HDAC7: variants seen among roughly 807,000 people sequenced by gnomAD.
The protein encoded by HDAC7 is histone deacetylase 7, also known as histone deacetylase 7A.
In HDAC7, 26 loss-of-function variants were observed where a neutral mutation model predicts 115.5. That is an observed-to-expected ratio of 0.23 (90% CI 0.16 to 0.31). The LOEUF is 0.31. Among genes scored for constraint, HDAC7 ranks in the 10% least tolerant of loss-of-function variants. The pLI is 1.00. For missense variants in HDAC7, 1,068 were observed against 1,329.0 expected (o/e 0.80, Z 3.05); for synonymous variants, 564 against 550.9 (o/e 1.02, Z -0.33).
chr12:47,784,229 T>C lies in HDAC7; in HGVS notation c.2792-12A>G. 1 of 1,606,816 alleles carries C rather than the reference T, an allele frequency of 6.2e-7. No homozygotes were observed. The highest frequency in any genetic ancestry group is 8.5e-7 in the Non-Finnish European group (1 of 1,176,574). ...GCCCCAGTATTTACCTGGGGTAAGA[T>C]GCCAGGTCAGAAAGGGTTGGAGAAA... On this transcript the variant is annotated splice_polypyrimidine_tract_variant and intron_variant, in intron 24 of 25. Coordinates refer to ENST00000080059, the MANE Select transcript of HDAC7 (RefSeq NM_015401.5).
chr12:47,816,441 G>A (rs562430599), intron 1 of HDAC7, among the ~76,000 whole-genome samples: 1 of 152,180 alleles, frequency 6.6e-6, no homozygotes, highest in South Asian at 2.1e-4. Flanking sequence ...TTTTATGTGT[G>A]CATATTCCCA....
At chr12:47,801,667 C>T (rs776448774) in intron 2 of HDAC7, among the ~76,000 whole-genome samples, 2 of 152,170 alleles carry the variant, frequency 1.3e-5, no homozygotes, top group Non-Finnish European at 2.9e-5. Context: ...AAGGGCAGAC[C>T]GCGTCTAGTC....
chr12:47,788,503 C>A (rs1005619539), intron 19 of HDAC7: 13 of 179,434 alleles, frequency 7.2e-5, no homozygotes, highest in Non-Finnish European at 1.1e-4. Context: ...TATCAGGAAC[C>A]ACTCTGTCTT....
chr12:47,819,818 A>G lies in HDAC7; in HGVS notation c.-33T>C, dbSNP rs1565595693. 1.8e-5 allele frequency: 2 copies of G among 110,146 alleles called. No homozygotes were observed. The highest frequency in any genetic ancestry group is 3.2e-5 in the Non-Finnish European group (2 of 63,040). The allele number at this position is 110,146 out of a possible 1,614,324, so 6.8% of individuals were successfully genotyped here. ...CCGGGGCCCTCAGAGCGGGGGGCTC[A>G]TGGCGGGGCGGGGGGCTGGGGCGCC... is the stretch of plus-strand genomic sequence containing the variant. On this transcript the variant is annotated 5_prime_UTR_variant, in exon 1 of 26. It removes an upstream start codon present in the reference 5' UTR. Transcript: ENST00000080059.
chr12:47,808,445 C>T (rs1592690349), intron 1 of HDAC7, among the ~76,000 whole-genome samples: 1 of 152,292 alleles, frequency 6.6e-6, no homozygotes, highest in East Asian at 1.9e-4. Context: ...TTGTCCCCCA[C>T]CCCAGATCCC....
chr12:47,818,837 C>G (rs766307978), intron 1 of HDAC7, among the ~76,000 whole-genome samples: 2 of 152,164 alleles, frequency 1.3e-5, no homozygotes, highest in South Asian at 4.1e-4. Flanking sequence ...GAGGAGCAGC[C>G]GTGGCTGGGG....
intron 24 of HDAC7, 136 bp from the exon 25 acceptor site, chr12:47,784,353 T>G: frequency 1.1e-6 from 1 of 887,364 alleles, no homozygotes; most frequent in Non-Finnish European, 1.7e-6. Flanking sequence ...TAGGGTCGGC[T>G]CTCCCACCTG....
In HDAC7 at chr12:47,797,101, A is replaced by T. The variant is rs1943894282; in HGVS notation, c.619T>A (p.Ser207Thr). The T allele has an allele frequency of 6.2e-7, 1 of 1,607,794 alleles. No individual in the cohort carries two copies. The highest frequency in any genetic ancestry group is 1.7e-5 in the Admixed American group (1 of 58,828). ...NLKLRYKPKK[S>T]LERRKNPLLR... ...AGTGGATTCTTCCTCCGCTCCAGGG[A>T]CTTCTTGGGCTTATAGCGCAGCTTC... The change falls in exon 7 of 26, where the codon TCC becomes ACC. Residue 207 changes from serine to threonine, a missense_variant. By Grantham distance (58) the Ser-to-Thr change is moderately conservative. Around this residue, in one of 6 missense-constraint regions of HDAC7, gnomAD observed 618 missense variants for 701.5 expected, o/e 0.88. Coordinates refer to ENST00000080059, the MANE Select transcript of HDAC7 (RefSeq NM_015401.5). This position sits in a 1 kb window ranked among gnomAD's most constrained non-coding sequence, Gnocchi z 5.5.
chr12:47,796,486 C>T (rs112689589), intron 7 of HDAC7, among the ~76,000 whole-genome samples, 188 bp from the exon 8 acceptor site: 22,217 of 149,602 alleles, frequency 0.15, 2,186 homozygotes, highest in Non-Finnish European at 0.22. Context: ...TGCAATGGCA[C>T]GATCCCGGCT....
intron 16 of HDAC7, chr12:47,790,570 TGA>T (rs1290650470): frequency 6.4e-6 from 1 of 156,492 alleles, no homozygotes; most frequent in African/African-American, 2.4e-5. Flanking sequence ...TGGGAAGTTG[TGA>T]ATAGGGCACT....
chr12:47,783,712 C>G lies in HDAC7; in HGVS notation c.*129G>C, dbSNP rs1420493328. The G allele has an allele frequency of 1.1e-6, 1 of 892,580 alleles. No individual in the cohort carries two copies. Among genetic ancestry groups the G allele is most frequent in the African/African-American group, 1.6e-5 (1 of 60,710 alleles). 55.3% of individuals were successfully genotyped at this position (892,580 alleles called of 1,614,324 possible). A position where few individuals can be genotyped will look rare whatever the true frequency, so the allele number is the denominator to read the frequency against. On this transcript the variant is annotated 3_prime_UTR_variant, in exon 26 of 26. Transcript: ENST00000080059. ...TCCCTGGGATAACTGTCAAAGCAGG[C>G]AGGCTGTTCTCTGGTTCCAACTACT...
intron 24 of HDAC7, 88 bp downstream of exon 24, chr12:47,785,299 G>T: frequency 3.6e-6 from 4 of 1,112,974 alleles, no homozygotes; most frequent in South Asian, 1.5e-5. Context: ...GGCTGGCACC[G>T]GAAGCCCTAG....
chr12:47,789,092 C>T, intron 19 of HDAC7, 169 bp downstream of exon 19: 2 of 652,000 alleles, frequency 3.1e-6, no homozygotes, highest in South Asian at 3.7e-5. Flanking sequence ...CCCTCTAGGC[C>T]TCCCAACTGT....
intron 24 of HDAC7, 90 bp from the exon 25 acceptor site, chr12:47,784,307 G>A: frequency 1.4e-6 from 2 of 1,399,794 alleles, no homozygotes; most frequent in Non-Finnish European, 9.5e-7. Context: ...GGTGTCTCAG[G>A]CCCAGGGCCC....
Position 47,796,056 on chromosome 12 carries a change from C to T in HDAC7, c.796-40G>A, listed in dbSNP as rs766863174. On this transcript the variant is annotated intron_variant, in intron 8 of 25. Transcript: ENST00000080059. Reference sequence around the variant, plus strand: ...AGGGCGAGGGTCACCGGTCCCAGACCTCTACCCCGGCGCACCTTCCCCAGA... The same window carrying T: ...AGGGCGAGGGTCACCGGTCCCAGACTTCTACCCCGGCGCACCTTCCCCAGA... The T allele has an allele frequency of 1.6e-5, 25 of 1,541,754 alleles. No homozygotes were observed. The African/African-American group carries it at 2.7e-4, about 17-fold the overall frequency.
chr12:47,784,193 C>T lies in HDAC7; in HGVS notation c.2816G>A (p.Arg939His), dbSNP rs139571562. ...VHSKYWGCMQRLASCPDSWVP... is the reference protein window; with the variant it reads ...VHSKYWGCMQHLASCPDSWVP... Reference sequence around the variant, plus strand: ...CCAGGAGTCTGGACAGGAGGCCAGGCGCTGCATGCAGCCCCAGTATTTACC... The same window carrying T: ...CCAGGAGTCTGGACAGGAGGCCAGGTGCTGCATGCAGCCCCAGTATTTACC... The change falls in exon 25 of 26, where the codon CGC (arginine) becomes CAC (histidine). Residue 939 changes from arginine (R) to histidine (H), a missense_variant. This residue lies in a region of HDAC7 where 98 missense variants were observed against 123.9 expected (regional missense o/e 0.79). Transcript: ENST00000080059. The T allele has an allele frequency of 1.2e-5, 19 of 1,612,288 alleles. No individual in the cohort carries two copies. Among genetic ancestry groups the T allele is most frequent in the Middle Eastern group, 1.6e-4 (1 of 6,082 alleles).
chr12:47,802,382 C>A, intron 1 of HDAC7, 108 bp from the exon 2 acceptor site: 1 of 1,535,364 alleles, frequency 6.5e-7, no homozygotes, highest in Non-Finnish European at 8.9e-7. Context: ...CAAGCTTGAG[C>A]ACGCCAAAGC....
At chr12:47,811,982 C>A (rs1262292444) in intron 1 of HDAC7, among the ~76,000 whole-genome samples, 1 of 152,238 alleles carries the variant, frequency 6.6e-6, no homozygotes, top group Non-Finnish European at 1.5e-5. Context: ...CTGCTGACAT[C>A]ACTGACCTGC....
In HDAC7 at chr12:47,794,673, G is replaced by A. The variant is rs557232842; in HGVS notation, c.1458+87C>T. On this transcript the variant is annotated intron_variant, in intron 12 of 25. Transcript: ENST00000080059. ...TCCTAGAGCTGCCTGTTGCACTGAT[G>A]TCGTATCTCCCTCCCTTCCCCATCT... 3.0e-6 allele frequency: 4 copies of A among 1,348,968 alleles called. No individual in the cohort carries two copies. The Admixed American group carries it at 8.4e-5, about 28-fold the overall frequency. The allele number at this position is 1,348,968 out of a possible 1,614,324, so 83.6% of individuals were successfully genotyped here.
Sources: allele counts gnomAD v4.1 joint callset (sites outside exome capture counted in the v4.1 genomes callset), GRCh38; gene constraint gnomAD v4.1.1; regional missense constraint gnomAD v4.1.1; non-coding constraint Gnocchi (gnomAD v3.1); transcripts MANE v1.5; gene names NCBI Gene and HGNC (gene_info 2026-07-23, HGNC 2026-07-21).